ZNF420: variants seen among roughly 807,000 people sequenced by gnomAD.
ZNF420 encodes the protein zinc finger protein 420, also known as ATM and p53-associated KZNF protein.
A neutral mutation model predicts 44.7 loss-of-function variants in ZNF420; 31 were observed. The observed-to-expected ratio is 0.69, with a 90% CI of 0.52 to 0.94. ZNF420 has a LOEUF of 0.94. ZNF420 is among the 40% of genes least tolerant of loss of function. The probability of loss-of-function intolerance (pLI) is 0.00; values close to 1 mark genes in which losing one functional copy is unlikely to be tolerated. For synonymous variants in ZNF420, 245 were observed against 267.4 expected, an observed-to-expected ratio of 0.92 and a Z score of 0.82; for missense variants, 681 against 827.9, an observed-to-expected ratio of 0.82 and a Z score of 2.18.
At chr19:37,012,035 C>A (rs1441762025) in intron 1 of ZNF420, among the ~76,000 whole-genome samples, 1 of 152,216 alleles carries the variant, frequency 6.6e-6, no homozygotes, top group Non-Finnish European at 1.5e-5. Context: ...GCCCGCCTCA[C>A]AGATGAGGTG....
At chr19:37,090,420 G>A (rs1291158337) in intron 3 of ZNF420, among the ~76,000 whole-genome samples, 1 of 152,122 alleles carries the variant, frequency 6.6e-6, no homozygotes, top group African/African-American at 2.4e-5. Flanking sequence ...AATGAGACAG[G>A]ATCACTTAAG....
intron 4 of ZNF420, among the ~76,000 whole-genome samples, chr19:37,099,655 G>A (rs997757203): frequency 1.3e-5 from 2 of 151,828 alleles, no homozygotes; most frequent in African/African-American, 2.4e-5. Context: ...ATGGAGTCTC[G>A]CTCTGTCACC....
chr19:37,064,538 A>G (rs1285429974), intron 1 of ZNF420, among the ~76,000 whole-genome samples: 2 of 152,168 alleles, frequency 1.3e-5, no homozygotes, highest in Non-Finnish European at 2.9e-5. Flanking sequence ...ATTTCTTCAA[A>G]GAACGCAGAT....
At chr19:37,064,688 T>C (rs1387554086) in intron 1 of ZNF420, among the ~76,000 whole-genome samples, 1 of 152,198 alleles carries the variant, frequency 6.6e-6, no homozygotes, top group African/African-American at 2.4e-5. Flanking sequence ...GATAGATACC[T>C]CCTCATTGTG....
At chr19:37,054,027 G>A (rs555431054) in intron 1 of ZNF420, among the ~76,000 whole-genome samples, 5 of 152,312 alleles carry the variant, frequency 3.3e-5, no homozygotes, top group South Asian at 2.1e-4. Context: ...CTTCCCAGCC[G>A]CTTTGTTCAC....
rs558326489 is a variant in ZNF420, at chr19:37,122,579, A to G, written c.137-4549A>G. ...GTATACATATGTAACAAACCTGCAC[A>G]TTGTGCATATGTACCCTAAAACTTA... On this transcript the variant is annotated intron_variant, in intron 4 of 4. Transcript: ENST00000337995. Among the ~76,000 whole-genome samples, 12 of 152,214 alleles carry G rather than the reference A, an allele frequency of 7.9e-5. No homozygotes were observed. The East Asian group carries it at 2.1e-3, about 27-fold the overall frequency.
At chr19:37,117,198 AC>A (rs977821079) in intron 4 of ZNF420, among the ~76,000 whole-genome samples, 1 of 151,964 alleles carries the variant, frequency 6.6e-6, no homozygotes, top group African/African-American at 2.4e-5. Context: ...ACTGGGAGGC[AC>A]CCCCCAGTAG....
chr19:37,013,112 T>G (rs543519241), intron 1 of ZNF420, among the ~76,000 whole-genome samples: 3 of 152,116 alleles, frequency 2.0e-5, no homozygotes, highest in African/African-American at 7.2e-5. Context: ...AGGCCTCTTG[T>G]CCAAGATCAA....
chr19:37,124,940 G>A (rs984120401), intron 4 of ZNF420, among the ~76,000 whole-genome samples: 22 of 152,212 alleles, frequency 1.4e-4, no homozygotes, highest in South Asian at 2.1e-4. Context: ...AGGTTCAAGC[G>A]ATTCTCCTGC....
chr19:37,066,997 T>A (rs1030993421), intron 1 of ZNF420, among the ~76,000 whole-genome samples: 2 of 152,138 alleles, frequency 1.3e-5, no homozygotes, highest in Non-Finnish European at 2.9e-5. Context: ...ACATACAACA[T>A]GGATACATTT....
intron 1 of ZNF420, among the ~76,000 whole-genome samples, chr19:37,041,945 A>G (rs1472948896): frequency 6.6e-6 from 1 of 152,134 alleles, no homozygotes; most frequent in Non-Finnish European, 1.5e-5. Context: ...TTTCCAGGTA[A>G]CTCAAGACTT....
At chr19:37,057,716 G>A (rs771192778) in intron 1 of ZNF420, among the ~76,000 whole-genome samples, 15 of 152,030 alleles carry the variant, frequency 9.9e-5, no homozygotes, top group Non-Finnish European at 2.1e-4. Context: ...CGTCGGTCCC[G>A]GAGCAACTGG....
chr19:37,116,111 A>G (rs1970666434), intron 4 of ZNF420, among the ~76,000 whole-genome samples: 1 of 152,102 alleles, frequency 6.6e-6, no homozygotes, highest in South Asian at 2.1e-4. Flanking sequence ...TCTTATGTCT[A>G]CTTCTTTCTA....
At chr19:37,114,618 A>G (rs1266626816) in intron 4 of ZNF420, among the ~76,000 whole-genome samples, 1 of 152,120 alleles carries the variant, frequency 6.6e-6, no homozygotes, top group African/African-American at 2.4e-5. Context: ...CCTGTAATTG[A>G]TTATAGTCAA....
chr19:37,109,303 G>T (rs1001813464), intron 4 of ZNF420: 1 of 152,164 alleles, frequency 6.6e-6, no homozygotes, highest in African/African-American at 2.4e-5. Context: ...CCATCCATGC[G>T]ACTGCCCGAA....
chr19:37,099,709 C>T (rs985502191), intron 4 of ZNF420, among the ~76,000 whole-genome samples: 4 of 152,194 alleles, frequency 2.6e-5, no homozygotes, highest in East Asian at 1.9e-4. Context: ...CTACAACCTC[C>T]GCCTGCCAGG....
At chr19:37,019,066 T>G (rs567292231) in intron 1 of ZNF420, among the ~76,000 whole-genome samples, 1 of 152,268 alleles carries the variant, frequency 6.6e-6, no homozygotes, top group East Asian at 1.9e-4. Flanking sequence ...AAGACATCAG[T>G]AGATTTAAAG....
chr19:37,018,925 A>G (rs2074626837), intron 1 of ZNF420, among the ~76,000 whole-genome samples: 1 of 152,204 alleles, frequency 6.6e-6, no homozygotes. Context: ...TCCATAAACT[A>G]ATTGTGAGAT....
At chr19:37,119,489 T>C (rs928039001) in intron 4 of ZNF420, among the ~76,000 whole-genome samples, 7 of 152,138 alleles carry the variant, frequency 4.6e-5, no homozygotes, top group African/African-American at 1.7e-4. Flanking sequence ...GAGGGAAATA[T>C]ATAGCACTAA....
Sources: gnomAD v4.1 joint callset for allele counts (sites outside exome capture counted in the v4.1 genomes callset) on GRCh38, gnomAD v4.1.1 for gene constraint, MANE v1.5 for transcripts, NCBI Gene and HGNC (gene_info 2026-07-23, HGNC 2026-07-21) for gene names.